MMP20: variants seen among roughly 807,000 people sequenced by gnomAD.
MMP20 encodes matrix metalloproteinase-20.
In MMP20, 50 loss-of-function variants were observed where a neutral mutation model predicts 51.8. That is an observed-to-expected ratio of 0.97 (90% CI 0.77 to 1.22). MMP20 has a LOEUF of 1.22. MMP20 is among the 50% of genes most tolerant of loss of function. The probability of loss-of-function intolerance (pLI) is 0.00; values close to 1 mark genes in which losing one functional copy is unlikely to be tolerated. For missense variants in MMP20, 663 were observed against 601.4 expected, an observed-to-expected ratio of 1.10 and a Z score of -1.07; for synonymous variants, 244 against 216.2, an observed-to-expected ratio of 1.13 and a Z score of -1.13.
intron 8 of MMP20, among the ~76,000 whole-genome samples, chr11:102,583,760 T>C (rs1259881079): frequency 6.6e-6 from 1 of 152,178 alleles, no homozygotes; most frequent in African/African-American, 2.4e-5. Context: ...AAAAACCTTA[T>C]GCCTTTTCAC....
chr11:102,580,956 C>G (rs904426543), intron 8 of MMP20, among the ~76,000 whole-genome samples: 2 of 152,118 alleles, frequency 1.3e-5, no homozygotes, highest in Non-Finnish European at 2.9e-5. Flanking sequence ...ATGATCTAGC[C>G]CTTTGTTTGT....
chr11:102,609,838 G>A (rs1859572560), intron 4 of MMP20, 67 bp downstream of exon 4: 28 of 1,609,322 alleles, frequency 1.7e-5, no homozygotes, highest in Non-Finnish European at 2.1e-5. Flanking sequence ...TGAACCTCAA[G>A]GTTTCATGAT....
intron 8 of MMP20, among the ~76,000 whole-genome samples, chr11:102,591,716 C>T (rs1859319361): frequency 6.6e-6 from 1 of 152,160 alleles, no homozygotes; most frequent in Non-Finnish European, 1.5e-5. Context: ...TAGACACTCA[C>T]AGAGGCCCAG....
intron 6 of MMP20, among the ~76,000 whole-genome samples, chr11:102,605,738 A>T (rs1213861081): frequency 6.6e-6 from 1 of 152,206 alleles, no homozygotes; most frequent in East Asian, 1.9e-4. Context: ...AATGCCACAC[A>T]TGAATGCTCC....
intron 8 of MMP20, among the ~76,000 whole-genome samples, chr11:102,584,306 T>C (rs1312275556): frequency 1.3e-5 from 2 of 152,208 alleles, no homozygotes; most frequent in African/African-American, 4.8e-5. Flanking sequence ...TATCTGACTT[T>C]TTGATTATGG....
intron 8 of MMP20, among the ~76,000 whole-genome samples, chr11:102,586,366 G>C (rs903968118): frequency 2.6e-4 from 39 of 151,810 alleles, no homozygotes; most frequent in Middle Eastern, 3.4e-3. Context: ...TTCTTGACTC[G>C]GTTTTACTAG....
chr11:102,606,856 G>C, intron 5 of MMP20, 180 bp from the exon 6 acceptor site: 1 of 676,920 alleles, frequency 1.5e-6, no homozygotes, highest in South Asian at 1.7e-5. Context: ...TGTGTGATTT[G>C]AGGCACATTA....
intron 1 of MMP20, among the ~76,000 whole-genome samples, chr11:102,619,201 T>C (rs1046018004): frequency 3.3e-5 from 5 of 152,104 alleles, no homozygotes; most frequent in African/African-American, 1.2e-4. Flanking sequence ...GCTGTGATAA[T>C]GCAATGCTTG....
chr11:102,598,734 C>T (rs1859411745), intron 6 of MMP20, among the ~76,000 whole-genome samples: 1 of 152,342 alleles, frequency 6.6e-6, no homozygotes, highest in South Asian at 2.1e-4. Flanking sequence ...TTGGGCTTAG[C>T]ATGCTGCCTG....
chr11:102,616,311 GCTGT>G (rs1188967231), intron 2 of MMP20, among the ~76,000 whole-genome samples: 1 of 152,170 alleles, frequency 6.6e-6, no homozygotes, highest in African/African-American at 2.4e-5. Flanking sequence ...CAGAGCTACA[GCTGT>G]CTGTTTGCAT....
At chr11:102,580,416 G>T (rs780714767) in intron 8 of MMP20, among the ~76,000 whole-genome samples, 88 of 90,998 alleles carry the variant, frequency 9.7e-4, no homozygotes, top group Admixed American at 3.7e-3. Context: ...ATTTCCTGTG[G>T]CAGCAGATCC....
At chr11:102,605,765 A>G (rs1289708384) in intron 6 of MMP20, among the ~76,000 whole-genome samples, 2 of 152,190 alleles carry the variant, frequency 1.3e-5, no homozygotes, top group African/African-American at 4.8e-5. Flanking sequence ...GCCTCTGCCT[A>G]TTCTGGTGTG....
chr11:102,613,990 A>G lies in MMP20; in HGVS notation c.375-2087T>C, dbSNP rs528137741. On this transcript the variant is annotated intron_variant, in intron 2 of 9. Coordinates refer to ENST00000260228, the MANE Select transcript of MMP20 (RefSeq NM_004771.4). ...AGGGATAGCACCAGAGAAGAAGAGA[A>G]CATGGAAAAAGGGATCCCCGAATCA... Among the ~76,000 whole-genome samples the G allele has an allele frequency of 4.0e-4, 61 of 152,360 alleles. 2 individuals are homozygous for G. In the South Asian group the frequency reaches 0.012, roughly 31 times the overall value.
At chr11:102,598,236 A>T (rs1382463922) in intron 6 of MMP20, among the ~76,000 whole-genome samples, 2 of 152,250 alleles carry the variant, frequency 1.3e-5, no homozygotes, top group Non-Finnish European at 2.9e-5. Flanking sequence ...CAATGATAGC[A>T]AGTAACTTCC....
chr11:102,623,430 G>A (rs2464353), intron 1 of MMP20, among the ~76,000 whole-genome samples: 113,000 of 151,466 alleles, frequency 0.75, 42,377 homozygotes, highest in East Asian at 0.92. Flanking sequence ...TGAACTGCAT[G>A]TGTGAGGGAC....
intron 5 of MMP20, 87 bp from the exon 6 acceptor site, chr11:102,606,763 A>G: frequency 1.4e-6 from 2 of 1,469,012 alleles, no homozygotes; most frequent in South Asian, 2.3e-5. Flanking sequence ...GAGGTTGTAC[A>G]CTTTCACGCT....
chr11:102,588,684 G>A (rs1012235619), intron 8 of MMP20, among the ~76,000 whole-genome samples: 2 of 152,170 alleles, frequency 1.3e-5, no homozygotes, highest in African/African-American at 4.8e-5. Flanking sequence ...TACTACTGAT[G>A]CTCTCTGGAT....
At chr11:102,618,126 G>A (rs982086499) in intron 1 of MMP20, among the ~76,000 whole-genome samples, 2 of 151,992 alleles carry the variant, frequency 1.3e-5, no homozygotes, top group East Asian at 3.9e-4. Context: ...TTGTTATACT[G>A]TATTGTTTAG....
chr11:102,600,410 T>G (rs1310963741), intron 6 of MMP20, among the ~76,000 whole-genome samples: 1 of 152,234 alleles, frequency 6.6e-6, no homozygotes. Flanking sequence ...TATCTTAACT[T>G]CTTTTGTTAT....
Sources: allele counts gnomAD v4.1 joint callset (sites outside exome capture counted in the v4.1 genomes callset), GRCh38; gene constraint gnomAD v4.1.1; transcripts MANE v1.5; gene names NCBI Gene and HGNC (gene_info 2026-07-23, HGNC 2026-07-21).